Variants in SCFD2 observed in about 807,000 individuals in gnomAD.
SCFD2 encodes the protein sec1 family domain containing 2.
A neutral mutation model predicts 58.9 loss-of-function variants in SCFD2; 54 were observed. The observed-to-expected ratio is 0.92, with a 90% confidence interval of 0.74 to 1.15. The LOEUF is 1.15. Ranked by LOEUF, SCFD2 falls within the 50% of genes most tolerant of loss-of-function variation. The pLI, the probability that SCFD2 is intolerant of heterozygous loss-of-function variation, is 0.00. For synonymous variants in SCFD2, 321 were observed against 335.9 expected (o/e 0.96, Z 0.49); for missense variants, 805 against 836.6 (o/e 0.96, Z 0.47).
intron 4 of SCFD2, among the ~76,000 whole-genome samples, chr4:53,256,184 C>T (rs1395288909): frequency 3.1e-4 from 47 of 149,534 alleles, no homozygotes; most frequent in African/African-American, 1.0e-3. Context: ...GGCTGCCGGG[C>T]GGAGGGACTC....
intron 3 of SCFD2, among the ~76,000 whole-genome samples, chr4:53,299,144 T>C (rs1732167027): frequency 6.6e-6 from 1 of 152,088 alleles, no homozygotes; most frequent in Non-Finnish European, 1.5e-5. Context: ...ATCGAACTAC[T>C]CTGAGCTAAA....
At chr4:52,970,311 T>C (rs1038143473) in intron 5 of SCFD2, among the ~76,000 whole-genome samples, 2 of 152,220 alleles carry the variant, frequency 1.3e-5, no homozygotes, top group African/African-American at 4.8e-5. Context: ...ATCGGGTCAC[T>C]CCCACCCTAA....
At chr4:53,346,640 A>C (rs1371125095) in intron 2 of SCFD2, among the ~76,000 whole-genome samples, 2 of 152,178 alleles carry the variant, frequency 1.3e-5, no homozygotes, top group Non-Finnish European at 2.9e-5. Context: ...GTTCACTAGT[A>C]CATCTTAAAA....
At chr4:53,031,822 G>C (rs1322231517) in intron 5 of SCFD2, among the ~76,000 whole-genome samples, 1 of 152,292 alleles carries the variant, frequency 6.6e-6, no homozygotes, top group East Asian at 1.9e-4. Flanking sequence ...TGGTATACCT[G>C]AAAGTGACGA....
At chr4:53,302,186 T>G (rs184215683) in intron 3 of SCFD2, among the ~76,000 whole-genome samples, 39 of 152,334 alleles carry the variant, frequency 2.6e-4, no homozygotes, top group African/African-American at 8.4e-4. Context: ...ATGACATGAT[T>G]GTATATCTAG....
At chr4:53,034,886 A>G (rs997755288) in intron 5 of SCFD2, among the ~76,000 whole-genome samples, 3 of 152,260 alleles carry the variant, frequency 2.0e-5, no homozygotes, top group African/African-American at 7.2e-5. Context: ...TATTGTGAAA[A>G]TGGCCATACT....
At chr4:53,346,006 G>A (rs1320550085) in intron 2 of SCFD2, among the ~76,000 whole-genome samples, 4 of 152,070 alleles carry the variant, frequency 2.6e-5, no homozygotes, top group Non-Finnish European at 5.9e-5. Flanking sequence ...CGTAAATGAC[G>A]AGTTGATGGG....
chr4:53,225,858 C>T (rs1156992462), intron 4 of SCFD2, among the ~76,000 whole-genome samples: 1 of 152,166 alleles, frequency 6.6e-6, no homozygotes. Context: ...TGGCTTTCCC[C>T]CTTTGTGATT....
At chr4:53,203,735 C>A (rs1308609708) in intron 4 of SCFD2, among the ~76,000 whole-genome samples, 1 of 151,996 alleles carries the variant, frequency 6.6e-6, no homozygotes. Flanking sequence ...TTGAAAGGCT[C>A]AGGAAATGGC....
At chr4:53,013,928 C>T (rs192272154) in intron 5 of SCFD2, among the ~76,000 whole-genome samples, 1 of 152,184 alleles carries the variant, frequency 6.6e-6, no homozygotes, top group East Asian at 1.9e-4. Flanking sequence ...TAAAAAGGGT[C>T]AACTAAAAAA....
chr4:53,313,754 T>G lies in SCFD2; in HGVS notation c.1017A>C (p.Thr339=). 1 of 1,614,052 alleles carries G rather than the reference T, an allele frequency of 6.2e-7. No homozygotes were observed. Among genetic ancestry groups the G allele is most frequent in the East Asian group, 2.2e-5 (1 of 44,874 alleles). ...PGCLSQSSDT[T]AKALWEALLN... The stretch of plus-strand genomic sequence containing the variant: ...GTAAAGCTTCCCATAGGGCTTTGGC[T>G]GTGGTGTCACTGCAGGAAAATCACA... Residue 339 remains threonine (T), a synonymous_variant, in exon 3 of 9, where the codon ACA becomes ACC. Transcript: ENST00000401642.
In SCFD2 at chr4:53,220,963, G is replaced by A. The variant is rs559710823; in HGVS notation, c.1311+52863C>T. ...GGGAGAAATTAATCTCACCTGCATC[G>A]TGATGTTTACTTTAATCATAGAAAA... is the stretch of plus-strand genomic sequence containing the variant. On this transcript the variant is annotated intron_variant, in intron 4 of 8. Transcript: ENST00000401642. 1.2e-4 allele frequency among the ~76,000 whole-genome samples: 19 copies of A among 152,260 alleles called. No individual in the cohort carries two copies. In the South Asian group the frequency reaches 2.3e-3, roughly 18 times the overall value.
At chr4:53,299,124 G>T (rs770276254) in intron 3 of SCFD2, among the ~76,000 whole-genome samples, 1 of 152,182 alleles carries the variant, frequency 6.6e-6, no homozygotes, top group Non-Finnish European at 1.5e-5. Context: ...AGAGAGGAAG[G>T]CTTCAGAAGA....
At chr4:52,909,610 GTTTA>G (rs1039817877) in intron 6 of SCFD2, among the ~76,000 whole-genome samples, 104 of 152,082 alleles carry the variant, frequency 6.8e-4, no homozygotes, top group African/African-American at 2.4e-3. Flanking sequence ...TCATTGTATT[GTTTA>G]TTTATTTATT....
At chr4:53,007,017 A>T (rs1345654952) in intron 5 of SCFD2, among the ~76,000 whole-genome samples, 2 of 152,070 alleles carry the variant, frequency 1.3e-5, no homozygotes, top group African/African-American at 4.8e-5. Flanking sequence ...ACGGTGGCTC[A>T]CGCCTATAAT....
chr4:52,970,420 C>T (rs1721069064), intron 5 of SCFD2, among the ~76,000 whole-genome samples: 1 of 152,240 alleles, frequency 6.6e-6, no homozygotes, highest in African/African-American at 2.4e-5. Flanking sequence ...TGGCTCATTG[C>T]TAGCACAGCA....
At chr4:53,248,966 A>C (rs976161874) in intron 4 of SCFD2, among the ~76,000 whole-genome samples, 1 of 152,230 alleles carries the variant, frequency 6.6e-6, no homozygotes, top group Non-Finnish European at 1.5e-5. Context: ...AATGACTTTG[A>C]TGAGTTGAGA....
intron 5 of SCFD2, among the ~76,000 whole-genome samples, chr4:53,126,552 G>T (rs10029526): frequency 0.02 from 3,072 of 152,326 alleles, 116 homozygotes; most frequent in African/African-American, 0.07. Context: ...CTGGCTTTAA[G>T]TGATCTGCCC....
In SCFD2 at chr4:52,939,871, C is replaced by T. The variant is rs78375759; in HGVS notation, c.1562-19001G>A. Among the ~76,000 whole-genome samples the T allele has an allele frequency of 1.3e-4, 20 of 152,334 alleles. No homozygotes were observed. The East Asian group carries it at 3.9e-3, about 29-fold the overall frequency. On this transcript the variant is annotated intron_variant, in intron 5 of 8. Transcript: ENST00000401642. The stretch of plus-strand genomic sequence containing the variant: ...TGGTAAGAATATGCCATATGTTTCA[C>T]CTTGGCACACATAACTCTGGTGGCA...
Sources: allele counts gnomAD v4.1 joint callset (sites outside exome capture counted in the v4.1 genomes callset), GRCh38; gene constraint gnomAD v4.1.1; transcripts MANE v1.5; gene names NCBI Gene and HGNC (gene_info 2026-07-23, HGNC 2026-07-21).